Variants in COP1 observed in about 807,000 individuals in gnomAD.
COP1 encodes the protein COP1 E3 ubiquitin ligase.
In COP1, 24 loss-of-function variants were observed where a neutral mutation model predicts 101.3. That is an observed-to-expected ratio of 0.24 (90% confidence interval 0.17 to 0.33). The LOEUF is 0.33. COP1 is among the 10% of genes least tolerant of loss of function. The probability of loss-of-function intolerance (pLI) is 1.00; values close to 1 mark genes in which losing one functional copy is unlikely to be tolerated. For synonymous variants in COP1, 347 were observed against 341.9 expected (o/e 1.01, Z -0.17); for missense variants, 663 against 906.2 (o/e 0.73, Z 3.45).
intron 18 of COP1, among the ~76,000 whole-genome samples, chr1:175,969,138 T>C (rs1652733054): frequency 6.6e-6 from 1 of 152,224 alleles, no homozygotes; most frequent in Non-Finnish European, 1.5e-5. Context: ...AAGCAATACA[T>C]TCAAGGCATG....
intron 11 of COP1, among the ~76,000 whole-genome samples, chr1:176,070,380 C>T (rs1676762839): frequency 6.7e-6 from 1 of 150,152 alleles, no homozygotes. Context: ...AAAACTCTGC[C>T]AGCCAGGCAC....
chr1:175,956,404 C>T (rs1000544941), intron 18 of COP1, among the ~76,000 whole-genome samples: 2 of 151,596 alleles, frequency 1.3e-5, no homozygotes, highest in African/African-American at 4.8e-5. Context: ...CATGTAAAAG[C>T]TGAAACAATA....
chr1:176,051,283 C>A (rs1201144071), intron 11 of COP1, among the ~76,000 whole-genome samples: 1 of 152,106 alleles, frequency 6.6e-6, no homozygotes, highest in East Asian at 1.9e-4. Context: ...GCTGAAAAAA[C>A]CAAGATGTTA....
At chr1:176,110,713 T>A (rs1023187225) in intron 9 of COP1, among the ~76,000 whole-genome samples, 3 of 151,944 alleles carry the variant, frequency 2.0e-5, no homozygotes, top group Admixed American at 6.6e-5. Flanking sequence ...AACCTGCTGG[T>A]TGAATAAATG....
At chr1:176,036,491 G>GA (rs923624189) in intron 14 of COP1, among the ~76,000 whole-genome samples, 3 of 120,384 alleles carry the variant, frequency 2.5e-5, no homozygotes, top group Non-Finnish European at 5.1e-5. Flanking sequence ...CAGAGGTAAT[G>GA]AAAAAAACAA....
chr1:176,031,975 G>A (rs571139650), intron 14 of COP1, among the ~76,000 whole-genome samples: 1 of 152,294 alleles, frequency 6.6e-6, no homozygotes, highest in East Asian at 1.9e-4. Flanking sequence ...GTTCCAGTGT[G>A]CAAGGTTTAT....
intron 13 of COP1, 63 bp from the exon 14 acceptor site, chr1:176,043,330 G>GAAA: frequency 1.6e-5 from 12 of 748,600 alleles, no homozygotes; most frequent in East Asian, 3.2e-5. Context: ...AATAAAGCAA[G>GAAA]AAAAAAAAAA....
rs561816225 is a variant in COP1 at position 175,966,020 on chromosome 1, T to C, written c.2134-18781A>G. On this transcript the variant is annotated intron_variant, in intron 18 of 19. Transcript: ENST00000367669. ...AAAGACATTCAAACATAGGTTCCAATATCATCTTCAAAGGTTTTTAAATGC... is the reference window on the plus strand; with the variant it reads ...AAAGACATTCAAACATAGGTTCCAACATCATCTTCAAAGGTTTTTAAATGC... 5.9e-5 allele frequency among the ~76,000 whole-genome samples: 9 copies of C among 152,302 alleles called. No homozygotes were observed. The South Asian group carries it at 1.7e-3, about 28-fold the overall frequency.
At chr1:176,070,428 C>T (rs1241805597) in intron 11 of COP1, among the ~76,000 whole-genome samples, 3 of 151,612 alleles carry the variant, frequency 2.0e-5, no homozygotes, top group African/African-American at 7.3e-5. Context: ...TTTGGGAGGC[C>T]GAGGTGGGTG....
At chr1:176,139,012 A>G (rs1202727587) in intron 6 of COP1, among the ~76,000 whole-genome samples, 1 of 152,160 alleles carries the variant, frequency 6.6e-6, no homozygotes, top group African/African-American at 2.4e-5. Flanking sequence ...AAATACATTT[A>G]AAAAGAAGAA....
In COP1 at chr1:176,074,757, T is replaced by TC. The variant is rs1430987231; in HGVS notation, c.1277+6394dup. Among the ~76,000 whole-genome samples the TC allele has an allele frequency of 4.8e-5, 7 of 146,838 alleles. No individual in the cohort carries two copies. The South Asian group carries it at 1.3e-3, about 27-fold the overall frequency. The stretch of plus-strand genomic sequence containing the variant: ...AAAAAGCAATAATGAAACCATCTCT[T>TC]CCCCAAAATCAAGCTAAAATGGCTT... On this transcript the variant is annotated intron_variant, in intron 11 of 19. Transcript: ENST00000367669.
At chr1:176,050,611 G>A (rs1418139386) in intron 11 of COP1, among the ~76,000 whole-genome samples, 3 of 152,030 alleles carry the variant, frequency 2.0e-5, no homozygotes, top group Non-Finnish European at 4.4e-5. Flanking sequence ...CCATTTTAAC[G>A]AAAAGTGATG....
At chr1:176,015,891 A>T (rs1365028209) in intron 15 of COP1, among the ~76,000 whole-genome samples, 1 of 152,228 alleles carries the variant, frequency 6.6e-6, no homozygotes, top group Non-Finnish European at 1.5e-5. Context: ...GTAGAAAAGG[A>T]GCCAGAAAAA....
intron 15 of COP1, among the ~76,000 whole-genome samples, chr1:176,003,836 T>A (rs1308706296): frequency 6.6e-6 from 1 of 152,108 alleles, no homozygotes; most frequent in Non-Finnish European, 1.5e-5. Context: ...CGATGTGGGC[T>A]CTTTTTTGGT....
intron 5 of COP1, among the ~76,000 whole-genome samples, chr1:176,151,349 AAGAAAAAGAAAG>A (rs1692453120): frequency 1.5e-5 from 2 of 132,556 alleles, no homozygotes; most frequent in Admixed American, 7.8e-5. Flanking sequence ...GAAGGAAAGA[AAGAAAAAGAAAG>A]AAAGAAAGAA....
chr1:176,175,840 T>A lies in COP1; in HGVS notation c.565+70A>T, dbSNP rs1031918852. The A allele has an allele frequency of 3.6e-6, 3 of 838,440 alleles. No homozygotes were observed. In the African/African-American group the frequency reaches 5.1e-5, roughly 14 times the overall value. The allele number at this position is 838,440 out of a possible 1,614,324, so 51.9% of individuals were successfully genotyped here. A position where few individuals can be genotyped will look rare whatever the true frequency, so the allele number is the denominator to read the frequency against. On this transcript the variant is annotated intron_variant, in intron 3 of 19. Coordinates refer to ENST00000367669, the MANE Select transcript of COP1 (RefSeq NM_022457.7). ...TTACCACTAAGGTAGGTTTTCTGAA[T>A]AAATTAGCGCTAGCACACAATTTTG...
At chr1:176,082,524 G>A (rs1373369111) in intron 10 of COP1, among the ~76,000 whole-genome samples, 1 of 152,086 alleles carries the variant, frequency 6.6e-6, no homozygotes, top group Admixed American at 6.6e-5. Context: ...ATAAACAACA[G>A]GGCCGGGTGC....
intron 15 of COP1, among the ~76,000 whole-genome samples, chr1:176,014,269 A>T (rs1165837853): frequency 6.6e-6 from 1 of 152,304 alleles, no homozygotes; most frequent in Non-Finnish European, 1.5e-5. Context: ...CACCCAACCA[A>T]TTCCTACACA....
At chr1:176,043,372 G>T in intron 13 of COP1, 105 bp from the exon 14 acceptor site, 1 of 675,800 alleles carries the variant, frequency 1.5e-6, no homozygotes, top group Non-Finnish European at 2.5e-6. Context: ...ACGGGGAGAG[G>T]GAAAGACAAC....
Sources: allele counts gnomAD v4.1 joint callset (sites outside exome capture counted in the v4.1 genomes callset), GRCh38; gene constraint gnomAD v4.1.1; transcripts MANE v1.5; gene names NCBI Gene and HGNC (gene_info 2026-07-23, HGNC 2026-07-21).